The following SPA17 variants were observed in gnomAD, a reference collection of about 807,000 sequenced individuals.
SPA17 encodes the protein sperm surface protein Sp17.
In SPA17, 7 loss-of-function variants were observed where a neutral mutation model predicts 13.8. That is an observed-to-expected ratio of 0.51 (90% confidence interval 0.29 to 0.95). The LOEUF is 0.95. Ranked by LOEUF, SPA17 falls within the 40% of genes least tolerant of loss-of-function variation. SPA17 has a pLI of 0.08. For synonymous variants in SPA17, 61 were observed against 59.0 expected, an observed-to-expected ratio of 1.03 and a Z score of -0.16; for missense variants, 170 against 179.3, an observed-to-expected ratio of 0.95 and a Z score of 0.30.
At chr11:124,677,562 A>G (rs912788952) in intron 2 of SPA17, among the ~76,000 whole-genome samples, 2 of 152,240 alleles carry the variant, frequency 1.3e-5, no homozygotes, top group Non-Finnish European at 2.9e-5. Flanking sequence ...GAATTTCTCT[A>G]TAAGAGAAGA....
chr11:124,678,235 G>A (rs540924250), intron 2 of SPA17, among the ~76,000 whole-genome samples: 1 of 152,100 alleles, frequency 6.6e-6, no homozygotes, highest in African/African-American at 2.4e-5. Context: ...TCAAAAATGA[G>A]AACTATCTCT....
chr11:124,695,642 G>A lies in SPA17; in HGVS notation c.*1196G>A, dbSNP rs1351639480. 1 of 152,320 alleles carries A rather than the reference G, an allele frequency of 6.6e-6. No homozygotes were observed. Among genetic ancestry groups the A allele is most frequent in the East Asian group, 1.9e-4 (1 of 5,184 alleles). The allele number at this position is 152,320 out of a possible 1,614,324, so 9.4% of individuals were successfully genotyped here. On this transcript the variant is annotated 3_prime_UTR_variant, in exon 5 of 5. Coordinates refer to ENST00000227135, the MANE Select transcript of SPA17 (RefSeq NM_017425.4). ...TAATGCTGTTGCCTTCTACCATAAT[G>A]TTGTAGCATAGTCCAGCAGACTGAG... is the stretch of plus-strand genomic sequence containing the variant.
chr11:124,682,774 G>T (rs546185474), intron 3 of SPA17, among the ~76,000 whole-genome samples: 1 of 151,894 alleles, frequency 6.6e-6, no homozygotes, highest in South Asian at 2.1e-4. Flanking sequence ...ATTGGTATCC[G>T]CAAGGACAAA....
At chr11:124,683,990 T>C (rs1943552545) in intron 3 of SPA17, among the ~76,000 whole-genome samples, 1 of 152,178 alleles carries the variant, frequency 6.6e-6, no homozygotes, top group Non-Finnish European at 1.5e-5. Context: ...TCATCTTGAA[T>C]TGTAGTTCCC....
chr11:124,681,994 G>A (rs1414406731), intron 3 of SPA17, among the ~76,000 whole-genome samples: 1 of 152,156 alleles, frequency 6.6e-6, no homozygotes, highest in Non-Finnish European at 1.5e-5. Flanking sequence ...TGGTAATGGT[G>A]TAGTTTTCTC....
chr11:124,690,682 A>G (rs1469613939), intron 3 of SPA17, among the ~76,000 whole-genome samples: 2 of 152,232 alleles, frequency 1.3e-5, no homozygotes, highest in Non-Finnish European at 2.9e-5. Flanking sequence ...CAGAAGTTAC[A>G]TTTTTAAGAG....
At position 124,694,370 on chromosome 11, in the gene SPA17, G is replaced by C. The variant is rs769074477; in HGVS notation, c.380G>C (p.Gly127Ala). 10 of 1,613,940 alleles carry C rather than the reference G, an allele frequency of 6.2e-6. No homozygotes were observed. The South Asian group carries it at 8.8e-5, about 14-fold the overall frequency. The change falls in exon 5 of 5, where the codon GGA (glycine) becomes GCA (alanine). Residue 127 changes from glycine to alanine, a missense_variant. Physicochemically the swap from Gly to Ala is moderately conservative, Grantham distance 60 (BLOSUM62 0). Transcript: ENST00000227135. ...GTCAAAATCCAAGCTGCCTTCCGGG[G>C]ACACATAGCCAGAGAGGAGGCAAAG... ...AAVKIQAAFR[G>A]HIAREEAKKM...
intron 3 of SPA17, among the ~76,000 whole-genome samples, chr11:124,688,201 C>T (rs994291543): frequency 3.9e-4 from 60 of 152,124 alleles, no homozygotes; most frequent in African/African-American, 1.3e-3. Flanking sequence ...TTTGTAAAAA[C>T]GGGCTTTTGC....
intron 3 of SPA17, among the ~76,000 whole-genome samples, chr11:124,689,681 G>A (rs1212090175): frequency 6.6e-6 from 1 of 151,824 alleles, no homozygotes; most frequent in African/African-American, 2.4e-5. Context: ...GGGAGGCTAA[G>A]GTGAGAGGAT....
intron 4 of SPA17, among the ~76,000 whole-genome samples, chr11:124,693,903 A>G (rs1943647421): frequency 6.6e-6 from 1 of 152,218 alleles, no homozygotes; most frequent in East Asian, 1.9e-4. Flanking sequence ...AGTTATTCTA[A>G]TTCATTATAT....
In SPA17 at chr11:124,691,683, C is replaced by T; in HGVS notation, c.226-13C>T. ...GAAACATTGCTAATTGTGGCTCTCT[C>T]CTATCTGTCCAGGAGCAAGAACCAC... is the stretch of plus-strand genomic sequence containing the variant. On this transcript the variant is annotated splice_polypyrimidine_tract_variant and intron_variant, in intron 3 of 4. Transcript: ENST00000227135. 6.3e-7 allele frequency: 1 copy of T among 1,586,674 alleles called. No homozygotes were observed. The highest frequency in any genetic ancestry group is 8.6e-7 in the Non-Finnish European group (1 of 1,166,484).
At position 124,694,338 on chromosome 11, in the gene SPA17, T is replaced by C. The variant is rs746228791; in HGVS notation, c.348T>C (p.Val116=). 6.2e-7 allele frequency: 1 copy of C among 1,614,078 alleles called. No individual in the cohort carries two copies. Among genetic ancestry groups the C allele is most frequent in the Non-Finnish European group, 8.5e-7 (1 of 1,179,998 alleles). ...AGGAAGATAAGGAAAAAGAAGAGGTTGCTGCTGTCAAAATCCAAGCTGCCT... is the reference window on the plus strand; with the variant it reads ...AGGAAGATAAGGAAAAAGAAGAGGTCGCTGCTGTCAAAATCCAAGCTGCCT... The part of the protein sequence containing the change: ...SSEEDKEKEE[V]AAVKIQAAFR... The change falls in exon 5 of 5, where the codon GTT becomes GTC. Residue 116 remains valine (V), a synonymous_variant. Transcript: ENST00000227135.
intron 2 of SPA17, among the ~76,000 whole-genome samples, chr11:124,680,704 C>T (rs1267034429): frequency 6.6e-6 from 1 of 151,876 alleles, no homozygotes; most frequent in Non-Finnish European, 1.5e-5. Context: ...GAGATACATT[C>T]TGAAATAAAT....
chr11:124,690,355 G>A (rs1201280635), intron 3 of SPA17, among the ~76,000 whole-genome samples: 1 of 152,192 alleles, frequency 6.6e-6, no homozygotes, highest in Non-Finnish European at 1.5e-5. Flanking sequence ...AGTGAAACAA[G>A]CCAGGCACAG....
In SPA17 at chr11:124,695,412, T is replaced by A. The variant is rs1006551311; in HGVS notation, c.*966T>A. 4.6e-5 allele frequency: 7 copies of A among 152,312 alleles called. No homozygotes were observed. Among genetic ancestry groups the A allele is most frequent in the Non-Finnish European group, 1.0e-4 (7 of 68,032 alleles). 9.4% of individuals were successfully genotyped at this position (152,312 alleles called of 1,614,324 possible). Reference sequence around the variant, plus strand: ...TTAAATATACAATGGTAATGCCTGTTTAACAAACTCAGAGGCTTTATCTCT... The same window carrying A: ...TTAAATATACAATGGTAATGCCTGTATAACAAACTCAGAGGCTTTATCTCT... On this transcript the variant is annotated 3_prime_UTR_variant, in exon 5 of 5. Coordinates refer to ENST00000227135, the MANE Select transcript of SPA17 (RefSeq NM_017425.4).
chr11:124,683,663 A>G (rs1479640328), intron 3 of SPA17, among the ~76,000 whole-genome samples: 1 of 152,090 alleles, frequency 6.6e-6, no homozygotes, highest in African/African-American at 2.4e-5. Context: ...AACCAAAAGC[A>G]AGCAGAAGTA....
chr11:124,676,806 G>T (rs765119217), intron 2 of SPA17, among the ~76,000 whole-genome samples: 15 of 152,076 alleles, frequency 9.9e-5, no homozygotes, highest in Non-Finnish European at 2.2e-4. Context: ...TGATTACCTT[G>T]GTGACAAAAT....
chr11:124,675,459 T>C (rs199610309), intron 2 of SPA17, 41 bp downstream of exon 2: 1 of 1,592,736 alleles, frequency 6.3e-7, no homozygotes, highest in African/African-American at 1.4e-5. Context: ...AATAAGAAAC[T>C]AAGCATTTGT....
chr11:124,689,217 A>G (rs1943602071), intron 3 of SPA17, among the ~76,000 whole-genome samples: 2 of 152,206 alleles, frequency 1.3e-5, no homozygotes, highest in East Asian at 1.9e-4. Context: ...ATACTAGAAG[A>G]AAACCTAGGA....
Sources: allele counts gnomAD v4.1 joint callset (sites outside exome capture counted in the v4.1 genomes callset), GRCh38; gene constraint gnomAD v4.1.1; transcripts MANE v1.5; gene names NCBI Gene and HGNC (gene_info 2026-07-23, HGNC 2026-07-21).